RELL1: variants seen among roughly 807,000 people sequenced by gnomAD.
The protein encoded by RELL1 is RELT-like protein 1.
RELL1 carries 10 observed loss-of-function variants against 23.0 expected under a neutral mutation model. The observed-to-expected ratio is 0.43, with a 90% confidence interval of 0.27 to 0.74. The LOEUF (loss-of-function observed/expected upper bound fraction) is 0.74, where lower values mean the gene tolerates loss of function less well. Among genes scored for constraint, RELL1 ranks in the 30% least tolerant of loss-of-function variants. The probability of loss-of-function intolerance (pLI) is 0.19; values close to 1 mark genes in which losing one functional copy is unlikely to be tolerated. For missense variants in RELL1, 315 were observed against 364.4 expected (o/e 0.86, Z 1.10); for synonymous variants, 146 against 146.8 (o/e 0.99, Z 0.04).
chr4:37,662,884 G>A (rs988527629), intron 1 of RELL1, among the ~76,000 whole-genome samples: 7 of 152,046 alleles, frequency 4.6e-5, no homozygotes, highest in Non-Finnish European at 1.0e-4. Context: ...CTCTTCCAGA[G>A]TATCTCAAAC....
chr4:37,592,551 T>C (rs1284418479), intron 6 of RELL1, among the ~76,000 whole-genome samples: 1 of 152,150 alleles, frequency 6.6e-6, no homozygotes, highest in African/African-American at 2.4e-5. Flanking sequence ...ACAACCATTC[T>C]AACGTAACTC....
At chr4:37,680,800 T>C (rs1215882927) in intron 1 of RELL1, among the ~76,000 whole-genome samples, 2 of 151,814 alleles carry the variant, frequency 1.3e-5, no homozygotes, top group Non-Finnish European at 2.9e-5. Flanking sequence ...AGCATGGTGG[T>C]GGGCGCCTGT....
At chr4:37,654,534 T>C (rs1341879184) in intron 1 of RELL1, among the ~76,000 whole-genome samples, 1 of 152,264 alleles carries the variant, frequency 6.6e-6, no homozygotes, top group African/African-American at 2.4e-5. Flanking sequence ...TTAGCTTTCC[T>C]TCAATTTACA....
chr4:37,639,766 G>C (rs142431283), intron 3 of RELL1, among the ~76,000 whole-genome samples: 1 of 152,310 alleles, frequency 6.6e-6, no homozygotes, highest in East Asian at 1.9e-4. Flanking sequence ...ATTCTCTAGA[G>C]AGGAAAGAAC....
In RELL1 at chr4:37,612,330, A is replaced by AAC. The variant is rs1560328289; in HGVS notation, c.*1015_*1016insGT. 2.6e-3 allele frequency among the ~76,000 whole-genome samples: 66 copies of AAC among 25,162 alleles called. No homozygotes were observed. The highest frequency in any genetic ancestry group is 0.019 in the Middle Eastern group (1 of 52). 16.5% of individuals were successfully genotyped at this position (25,162 alleles called of 152,430 possible). On this transcript the variant is annotated 3_prime_UTR_variant, in exon 7 of 7. Coordinates refer to ENST00000454158, the MANE Select transcript of RELL1 (RefSeq NM_001085400.2). Reference sequence around the variant, plus strand: ...ATCGCTCAGCTAAAGGTTAAAAAAAAAAAAAAAACAAAAAAAAACAAAAAA... The same window carrying AAC: ...ATCGCTCAGCTAAAGGTTAAAAAAAAACAAAAAAAACAAAAAAAAACAAAAAA...
intron 5 of RELL1, 59 bp downstream of exon 5, chr4:37,634,828 G>T (rs1720262183): frequency 1.5e-6 from 2 of 1,374,822 alleles, no homozygotes; most frequent in South Asian, 1.2e-5. Context: ...GTAAGCAGAA[G>T]TCCACACACC....
chr4:37,609,197 A>G (rs1719305011), downstream of RELL1, among the ~76,000 whole-genome samples: 1 of 152,114 alleles, frequency 6.6e-6, no homozygotes, highest in Non-Finnish European at 1.5e-5. Flanking sequence ...GTTGAAGCCA[A>G]TGCTCATTTA....
intron 6 of RELL1, among the ~76,000 whole-genome samples, chr4:37,618,179 C>T (rs1719636941): frequency 6.6e-6 from 1 of 152,068 alleles, no homozygotes; most frequent in Admixed American, 6.6e-5. Context: ...AGTAGATGCT[C>T]TGTGTCTGTA....
intron 1 of RELL1, among the ~76,000 whole-genome samples, chr4:37,683,800 G>A (rs1324339657): frequency 6.6e-6 from 1 of 151,216 alleles, no homozygotes; most frequent in Non-Finnish European, 1.5e-5. Flanking sequence ...ATAAAAATGC[G>A]GCCGGGCGCG....
At chr4:37,598,374 GTAAT>G (rs1718934203) in intron 6 of RELL1, among the ~76,000 whole-genome samples, 2 of 149,504 alleles carry the variant, frequency 1.3e-5, no homozygotes, top group East Asian at 2.0e-4. Flanking sequence ...ATTGTATTCA[GTAAT>G]TAATTTCTGG....
chr4:37,596,742 T>A (rs1379975120), intron 6 of RELL1, among the ~76,000 whole-genome samples: 506 of 32,878 alleles, frequency 0.015, no homozygotes, highest in African/African-American at 0.029. Flanking sequence ...ATATATTTTT[T>A]TTTTTTTTTT....
chr4:37,671,407 A>G (rs1350577743), intron 1 of RELL1, among the ~76,000 whole-genome samples: 1 of 152,208 alleles, frequency 6.6e-6, no homozygotes, highest in East Asian at 1.9e-4. Flanking sequence ...GACCTTGCTG[A>G]TAAAAGGGTG....
At chr4:37,654,128 G>A (rs1008007557) in intron 1 of RELL1, among the ~76,000 whole-genome samples, 6 of 152,134 alleles carry the variant, frequency 3.9e-5, no homozygotes, top group Admixed American at 3.9e-4. Context: ...ACAAAAAGGT[G>A]GGCACTGTAT....
downstream of RELL1, chr4:37,589,013 A>G (rs1224962558): frequency 1.3e-5 from 10 of 752,782 alleles, no homozygotes; most frequent in Non-Finnish European, 2.3e-5. Context: ...CATGATCAAC[A>G]TTGCCAACAC....
intron 6 of RELL1, among the ~76,000 whole-genome samples, chr4:37,598,104 T>C (rs1362682791): frequency 1.5e-5 from 2 of 130,086 alleles, no homozygotes; most frequent in African/African-American, 6.3e-5. Context: ...TAACTCCTCC[T>C]ATAGCTACTT....
chr4:37,587,172 T>C (rs565422935), downstream of RELL1, among the ~76,000 whole-genome samples: 16 of 152,278 alleles, frequency 1.1e-4, no homozygotes, highest in Admixed American at 5.9e-4. Flanking sequence ...CTCTTCCTCT[T>C]CTGTCTATAA....
At chr4:37,676,487 T>C (rs1722027997) in intron 1 of RELL1, among the ~76,000 whole-genome samples, 1 of 152,246 alleles carries the variant, frequency 6.6e-6, no homozygotes, top group African/African-American at 2.4e-5. Context: ...GAGAAGAGTT[T>C]CATGAAGAGA....
chr4:37,599,119 AT>A (rs1718952546), intron 6 of RELL1, among the ~76,000 whole-genome samples: 1 of 152,218 alleles, frequency 6.6e-6, no homozygotes, highest in African/African-American at 2.4e-5. Context: ...TGTATTGTCA[AT>A]TGGGATTAAA....
chr4:37,660,772 C>G (rs950276925), intron 1 of RELL1, among the ~76,000 whole-genome samples: 2 of 152,184 alleles, frequency 1.3e-5, no homozygotes, highest in Non-Finnish European at 1.5e-5. Flanking sequence ...TGGCTCACGC[C>G]TGTAATCCCA....
Sources: gnomAD v4.1 joint callset for allele counts (sites outside exome capture counted in the v4.1 genomes callset) on GRCh38, gnomAD v4.1.1 for gene constraint, MANE v1.5 for transcripts, NCBI Gene and HGNC (gene_info 2026-07-23, HGNC 2026-07-21) for gene names.